Variants in ANXA4 observed in about 807,000 individuals in gnomAD.
The protein encoded by ANXA4 is 35-beta calcimedin.
ANXA4 carries 39 observed loss-of-function variants against 49.8 expected under a neutral mutation model. The ratio of observed to expected loss-of-function variants is 0.78; its 90% confidence interval spans 0.61 to 1.02. The LOEUF is 1.02. ANXA4 is among the 50% of genes least tolerant of loss of function. The pLI, the probability that ANXA4 is intolerant of heterozygous loss-of-function variation, is 0.00. For missense variants in ANXA4, 360 were observed against 410.1 expected, an observed-to-expected ratio of 0.88 and a Z score of 1.05; for synonymous variants, 134 against 152.5, an observed-to-expected ratio of 0.88 and a Z score of 0.89.
intron 1 of ANXA4, among the ~76,000 whole-genome samples, chr2:69,649,758 C>T (rs1676157904): frequency 6.6e-6 from 1 of 150,866 alleles, no homozygotes. Context: ...ACTACAGGCT[C>T]ACACCACCAC....
intron 3 of ANXA4, among the ~76,000 whole-genome samples, chr2:69,799,600 C>T (rs1673100219): frequency 6.6e-6 from 1 of 152,086 alleles, no homozygotes. Context: ...TTCTTTTTGC[C>T]TCCTATAACA....
intron 2 of ANXA4, among the ~76,000 whole-genome samples, chr2:69,782,546 G>T (rs1276495277): frequency 6.6e-6 from 1 of 151,792 alleles, no homozygotes; most frequent in South Asian, 2.1e-4. Context: ...TAGAGATGAG[G>T]GGCTCGCTAT....
Position 69,759,577 on chromosome 2 carries a change from G to T in ANXA4, c.-47+17402G>T, listed in dbSNP as rs548328418. Among the ~76,000 whole-genome samples, 4 of 152,004 alleles carry T rather than the reference G, an allele frequency of 2.6e-5. No individual in the cohort carries two copies. The East Asian group carries it at 7.7e-4, about 29-fold the overall frequency. ...TTCTACCTCTACCTAGATTCTGCAG[G>T]GTTTGGAAAACAAGTTTATCAGATC... On this transcript the variant is annotated intron_variant, in intron 1 of 12. Coordinates refer to ENST00000394295, the MANE Select transcript of ANXA4 (RefSeq NM_001153.5).
At chr2:69,791,857 T>C (rs1443562488) in intron 3 of ANXA4, among the ~76,000 whole-genome samples, 1 of 152,194 alleles carries the variant, frequency 6.6e-6, no homozygotes, top group Non-Finnish European at 1.5e-5. Flanking sequence ...AGAAATACAA[T>C]TGACAAAGAA....
intron 3 of ANXA4, among the ~76,000 whole-genome samples, chr2:69,796,254 T>C (rs1672939601): frequency 6.6e-6 from 1 of 152,204 alleles, no homozygotes; most frequent in Non-Finnish European, 1.5e-5. Flanking sequence ...GCCACACCAG[T>C]AGCAATTAGT....
intron 2 of ANXA4, among the ~76,000 whole-genome samples, chr2:69,703,095 C>T (rs4852928): frequency 0.24 from 36,361 of 151,922 alleles, 5,292 homozygotes; most frequent in African/African-American, 0.38. Flanking sequence ...AATTTCCCTG[C>T]CCCCTTTCTC....
At chr2:69,806,068 G>T (rs1245968943) in intron 4 of ANXA4, among the ~76,000 whole-genome samples, 3 of 152,160 alleles carry the variant, frequency 2.0e-5, no homozygotes, top group African/African-American at 7.2e-5. Context: ...AATTTGTTAT[G>T]ATATGTGGTT....
chr2:69,783,941 T>G (rs919882842), intron 2 of ANXA4, among the ~76,000 whole-genome samples: 1 of 152,252 alleles, frequency 6.6e-6, no homozygotes, highest in Non-Finnish European at 1.5e-5. Context: ...GCATCAGTAG[T>G]TTTGTTCCTC....
At chr2:69,671,729 T>A (rs565876503) in intron 2 of ANXA4, among the ~76,000 whole-genome samples, 41 of 151,984 alleles carry the variant, frequency 2.7e-4, no homozygotes, top group East Asian at 5.8e-4. Context: ...TCTCAAAAAA[T>A]ATATATATAT....
intron 1 of ANXA4, among the ~76,000 whole-genome samples, chr2:69,651,854 T>A (rs1206389197): frequency 9.3e-6 from 1 of 107,958 alleles, no homozygotes; most frequent in South Asian, 3.2e-4. Context: ...CTCACTCTGT[T>A]GACCAGGCTG....
intron 1 of ANXA4, among the ~76,000 whole-genome samples, chr2:69,748,612 G>A (rs2105485707): frequency 6.7e-6 from 1 of 148,988 alleles, no homozygotes; most frequent in South Asian, 2.1e-4. Flanking sequence ...TATTTTATGG[G>A]GGAATATTCA....
intron 2 of ANXA4, among the ~76,000 whole-genome samples, chr2:69,786,491 G>A (rs766238578): frequency 3.3e-5 from 5 of 151,974 alleles, no homozygotes; most frequent in Non-Finnish European, 5.9e-5. Flanking sequence ...AAAACCTGTC[G>A]GTGGCTTTCT....
At chr2:69,706,622 G>T (rs1559096286) in intron 2 of ANXA4, among the ~76,000 whole-genome samples, 1 of 152,032 alleles carries the variant, frequency 6.6e-6, no homozygotes, top group Non-Finnish European at 1.5e-5. Context: ...CTAATAATGG[G>T]CCATGCCTGC....
intron 2 of ANXA4, among the ~76,000 whole-genome samples, chr2:69,660,116 T>C (rs1676657505): frequency 6.6e-6 from 1 of 152,204 alleles, no homozygotes; most frequent in African/African-American, 2.4e-5. Flanking sequence ...TGTATGTATG[T>C]ATGTATTTCT....
intron 2 of ANXA4, among the ~76,000 whole-genome samples, chr2:69,665,779 TAAG>T (rs1368159812): frequency 6.6e-6 from 1 of 152,124 alleles, no homozygotes; most frequent in Non-Finnish European, 1.5e-5. Flanking sequence ...AAAACACACT[TAAG>T]AAAACAAAAA....
At chr2:69,684,463 G>A (rs1424269702) in intron 2 of ANXA4, among the ~76,000 whole-genome samples, 2 of 152,076 alleles carry the variant, frequency 1.3e-5, no homozygotes, top group Non-Finnish European at 2.9e-5. Flanking sequence ...ATGGTCGAGT[G>A]CAGTGGCTCA....
chr2:69,645,057 C>A (rs756979326), intron 1 of ANXA4, among the ~76,000 whole-genome samples: 50 of 152,162 alleles, frequency 3.3e-4, no homozygotes, highest in Non-Finnish European at 5.3e-4. Context: ...TCTCTGCCCG[C>A]TTTCCCCACT....
At chr2:69,787,143 T>A (rs2103696681) in intron 2 of ANXA4, among the ~76,000 whole-genome samples, 1 of 152,342 alleles carries the variant, frequency 6.6e-6, no homozygotes. Flanking sequence ...CTTTTAAAAA[T>A]GAAATATCAC....
intron 3 of ANXA4, among the ~76,000 whole-genome samples, chr2:69,797,624 G>C (rs1318556274): frequency 2.0e-5 from 3 of 152,188 alleles, no homozygotes; most frequent in South Asian, 2.1e-4. Flanking sequence ...TTAACTTCCA[G>C]ACATAAAATC....
Sources: gnomAD v4.1 joint callset for allele counts (sites outside exome capture counted in the v4.1 genomes callset) on GRCh38, gnomAD v4.1.1 for gene constraint, MANE v1.5 for transcripts, NCBI Gene and HGNC (gene_info 2026-07-23, HGNC 2026-07-21) for gene names.